The following SLC40A1 variants were observed in gnomAD, a reference collection of about 807,000 sequenced individuals.
SLC40A1 encodes the protein solute carrier family 40 member 1, also known as ferroportin.
A neutral mutation model predicts 53.5 loss-of-function variants in SLC40A1; 16 were observed. The ratio of observed to expected loss-of-function variants is 0.30; its 90% CI spans 0.20 to 0.45. The LOEUF (loss-of-function observed/expected upper bound fraction) is 0.45. Ranked by LOEUF, SLC40A1 falls within the 20% of genes least tolerant of loss-of-function variation. The pLI, the probability that SLC40A1 is intolerant of heterozygous loss-of-function variation, is 1.00. For missense variants in SLC40A1, 545 were observed against 695.4 expected, an observed-to-expected ratio of 0.78 and a Z score of 2.43; for synonymous variants, 247 against 253.2, an observed-to-expected ratio of 0.98 and a Z score of 0.23.
Position 189,561,804 on chromosome 2 carries a change from T to C in SLC40A1, c.*74A>G. ...CAGAGCAAAACACCCAGCCATTTAT[T>C]GGAATTCTGCAGTACAAAATAAGCA... is the stretch of plus-strand genomic sequence containing the variant. On this transcript the variant is annotated 3_prime_UTR_variant, in exon 8 of 8. Coordinates refer to ENST00000261024, the MANE Select transcript of SLC40A1 (RefSeq NM_014585.6). 1 of 1,287,262 alleles carries C rather than the reference T, an allele frequency of 7.8e-7. No individual in the cohort carries two copies. Among genetic ancestry groups the C allele is most frequent in the Non-Finnish European group, 1.1e-6 (1 of 889,538 alleles). 79.7% of individuals were successfully genotyped at this position (1,287,262 alleles called of 1,614,324 possible).
rs780093738 is a variant in SLC40A1 at position 189,579,845 on chromosome 2, G to A, written c.79C>T (p.Leu27Phe). 5 of 1,614,060 alleles carry A rather than the reference G, an allele frequency of 3.1e-6. No homozygotes were observed. The African/African-American group carries it at 5.3e-5, about 17-fold the overall frequency. The change falls in exon 2 of 8, where the codon CTT (leucine) becomes TTT (phenylalanine). Residue 27 changes from leucine (L) to phenylalanine (F), a missense_variant. Physicochemically the swap from Leu to Phe is conservative, Grantham distance 22. Around this residue, in one of 4 missense-constraint regions of SLC40A1, gnomAD observed 197 missense variants for 278.8 expected, o/e 0.71. Transcript: ENST00000261024. Reference protein sequence around the residue: ...LADYLTSAKFLLYLGHSLSTW... With the variant: ...LADYLTSAKFFLYLGHSLSTW... ...GAGAGAGAATGACCAAGGTAGAGAA[G>A]GAATTTTGCAGAGGTCAGGTAGTCG... is the stretch of plus-strand genomic sequence containing the variant.
At chr2:189,570,434 T>C (rs956389835) in intron 5 of SLC40A1, among the ~76,000 whole-genome samples, 16 of 151,840 alleles carry the variant, frequency 1.1e-4, no homozygotes, top group Non-Finnish European at 2.1e-4. Flanking sequence ...AAAGAGAAAG[T>C]AAACAAAAAA....
rs1340078355 is a variant in SLC40A1 at position 189,575,146 on chromosome 2, T to C, written c.271+15A>G. The C allele has an allele frequency of 1.9e-6, 3 of 1,613,884 alleles. No homozygotes were observed. The highest frequency in any genetic ancestry group is 2.5e-6 in the Non-Finnish European group (3 of 1,179,796). On this transcript the variant is annotated intron_variant, in intron 3 of 7. Transcript: ENST00000261024. ...TCCCATGAATAAAAGGGCTTAATTATATAACAACACTCACCTTTAAGTCTA... is the reference window on the plus strand; with the variant it reads ...TCCCATGAATAAAAGGGCTTAATTACATAACAACACTCACCTTTAAGTCTA...
chr2:189,575,946 G>A (rs2031274006), intron 2 of SLC40A1, among the ~76,000 whole-genome samples: 1 of 152,176 alleles, frequency 6.6e-6, no homozygotes, highest in South Asian at 2.1e-4. Context: ...TGCATAAACA[G>A]TGATGTCAGA....
intron 2 of SLC40A1, among the ~76,000 whole-genome samples, chr2:189,579,468 T>A (rs1404098747): frequency 6.6e-6 from 1 of 152,214 alleles, no homozygotes; most frequent in Non-Finnish European, 1.5e-5. Flanking sequence ...AGAGAAGGTA[T>A]ATGAGACATC....
chr2:189,565,104 C>T (rs565542916), intron 6 of SLC40A1, among the ~76,000 whole-genome samples: 2 of 152,188 alleles, frequency 1.3e-5, no homozygotes, highest in East Asian at 3.9e-4. Context: ...AAAATTGAAC[C>T]TCTATAACTA....
intron 3 of SLC40A1, among the ~76,000 whole-genome samples, chr2:189,574,430 G>A (rs553363615): frequency 5.9e-5 from 9 of 152,194 alleles, no homozygotes; most frequent in African/African-American, 1.4e-4. Flanking sequence ...CAGTCATCTC[G>A]CACTGAAAGA....
chr2:189,580,465 C>G lies in SLC40A1; in HGVS notation c.-5G>C, dbSNP rs762496788. 14 of 1,613,618 alleles carry G rather than the reference C, an allele frequency of 8.7e-6. No individual in the cohort carries two copies. The highest frequency in any genetic ancestry group is 1.2e-5 in the Non-Finnish European group (14 of 1,180,020). On this transcript the variant is annotated 5_prime_UTR_variant, in exon 1 of 8. Coordinates refer to ENST00000261024, the MANE Select transcript of SLC40A1 (RefSeq NM_014585.6). ...GTGATCTCCCGCCCTGGTCATGACA[C>G]TAGGCGACCCCGCTGGCTCTTCTGC...
chr2:189,570,743 CT>C (rs35182808), intron 5 of SLC40A1, among the ~76,000 whole-genome samples: 27 of 151,718 alleles, frequency 1.8e-4, no homozygotes, highest in Admixed American at 5.9e-4. Flanking sequence ...TCCTTTCTAA[CT>C]TTTTTTTTAA....
intron 1 of SLC40A1, 54 bp downstream of exon 1, chr2:189,580,364 T>C: frequency 1.3e-6 from 2 of 1,577,410 alleles, no homozygotes; most frequent in Middle Eastern, 2.1e-4. Context: ...GAGTTGCTTG[T>C]CTCCAAAGCC....
At chr2:189,562,296 G>T in intron 7 of SLC40A1, 105 bp from the exon 8 acceptor site, 1 of 877,790 alleles carries the variant, frequency 1.1e-6, no homozygotes, top group Non-Finnish European at 1.8e-6. Flanking sequence ...ATTTTAGCCT[G>T]ACTGTCTTTA....
chr2:189,562,046 A>G lies in SLC40A1; in HGVS notation c.1548T>C (p.Asn516=). ...LHFIMVILAP[N]PEAFGLLVLI... ...ATACGAGCAAGCCAAAAGCTTCAGGATTTGGAGCCAGGATGACCATGATGA... is the reference window on the plus strand; with the variant it reads ...ATACGAGCAAGCCAAAAGCTTCAGGGTTTGGAGCCAGGATGACCATGATGA... Residue 516 remains asparagine, a synonymous_variant, in exon 8 of 8, where the codon AAT becomes AAC. Coordinates refer to ENST00000261024, the MANE Select transcript of SLC40A1 (RefSeq NM_014585.6). 1 of 1,614,166 alleles carries G rather than the reference A, an allele frequency of 6.2e-7. No homozygotes were observed. Among genetic ancestry groups the G allele is most frequent in the Non-Finnish European group, 8.5e-7 (1 of 1,179,994 alleles).
At chr2:189,578,435 C>A (rs149414778) in intron 2 of SLC40A1, 1 of 925,716 alleles carries the variant, frequency 1.1e-6, no homozygotes, top group Admixed American at 6.2e-5. Flanking sequence ...GGAACAACCA[C>A]GGTGCCACTG....
intron 7 of SLC40A1, among the ~76,000 whole-genome samples, chr2:189,562,809 A>AC (rs1473592938): frequency 6.6e-6 from 1 of 152,118 alleles, no homozygotes; most frequent in Admixed American, 6.6e-5. Context: ...TATAAAATCC[A>AC]TTTGTGTGGC....
chr2:189,565,063 T>C (rs2030889631), intron 6 of SLC40A1, among the ~76,000 whole-genome samples: 1 of 152,118 alleles, frequency 6.6e-6, no homozygotes, highest in Non-Finnish European at 1.5e-5. Context: ...CCCAGTCCTA[T>C]GACTTAGCTT....
At chr2:189,565,198 G>A (rs1464355211) in intron 6 of SLC40A1, among the ~76,000 whole-genome samples, 156 bp downstream of exon 6, 2 of 152,132 alleles carry the variant, frequency 1.3e-5, no homozygotes, top group Admixed American at 1.3e-4. Flanking sequence ...ATCCTCAAAA[G>A]CCTGCTCTTG....
chr2:189,572,422 A>C (rs2031158824), intron 4 of SLC40A1: 1 of 281,604 alleles, frequency 3.6e-6, no homozygotes, highest in African/African-American at 2.3e-5. Flanking sequence ...CTTTTCCATC[A>C]AGCTCTTATG....
At chr2:189,571,865 G>T in intron 4 of SLC40A1, 24 bp from the exon 5 acceptor site, 1 of 1,473,428 alleles carries the variant, frequency 6.8e-7, no homozygotes, top group South Asian at 1.1e-5. Context: ...AGAAAAAAAT[G>T]AGTTATAATG....
chr2:189,563,893 G>A lies in SLC40A1; in HGVS notation c.1093C>T (p.Arg365Ter). Residue 365 changes from arginine to a stop codon, truncating the protein, a stop_gained, in exon 7 of 8, where the codon CGA becomes TGA. Coordinates refer to ENST00000261024, the MANE Select transcript of SLC40A1 (RefSeq NM_014585.6). LOFTEE classifies it high-confidence loss of function. ...CCTGTCCGAACCAAACCACATTTTCGACGTAGCCAAGTAAAAGCTACAGTT... is the reference window on the plus strand; with the variant it reads ...CCTGTCCGAACCAAACCACATTTTCAACGTAGCCAAGTAAAAGCTACAGTT... ...MGTVAFTWLR[R>*]KCGLVRTGLI... 6.2e-7 allele frequency: 1 copy of A among 1,614,106 alleles called. No individual in the cohort carries two copies. Among genetic ancestry groups the A allele is most frequent in the Non-Finnish European group, 8.5e-7 (1 of 1,180,028 alleles).
Sources: gnomAD v4.1 joint callset for allele counts (sites outside exome capture counted in the v4.1 genomes callset) on GRCh38, gnomAD v4.1.1 for gene constraint, gnomAD v4.1.1 regional missense constraint, MANE v1.5 for transcripts, NCBI Gene and HGNC (gene_info 2026-07-23, HGNC 2026-07-21) for gene names.